LHFPL4: variants seen among roughly 807,000 people sequenced by gnomAD.
The protein encoded by LHFPL4 is LHFPL tetraspan subfamily member 4.
In LHFPL4, 6 loss-of-function variants were observed where a neutral mutation model predicts 20.0. The observed-to-expected ratio is 0.30, with a 90% CI of 0.16 to 0.59. The LOEUF is 0.59. Ranked by LOEUF, LHFPL4 falls within the 20% of genes least tolerant of loss-of-function variation. LHFPL4 has a pLI of 0.88. For synonymous variants in LHFPL4, 129 were observed against 143.8 expected (o/e 0.90, Z 0.74); for missense variants, 215 against 331.2 (o/e 0.65, Z 2.72).
intron 2 of LHFPL4, among the ~76,000 whole-genome samples, chr3:9,520,008 C>G (rs1481515875): frequency 6.6e-6 from 1 of 152,066 alleles, no homozygotes; most frequent in Non-Finnish European, 1.5e-5. Context: ...ATTTGCTCTT[C>G]TTTTTCTAGC....
chr3:9,549,961 G>A (rs1370476326), intron 2 of LHFPL4, among the ~76,000 whole-genome samples: 2 of 152,020 alleles, frequency 1.3e-5, no homozygotes, highest in Non-Finnish European at 2.9e-5. Context: ...CCAACTCCTG[G>A]CCTCAAGCAA....
At chr3:9,544,241 T>C (rs1454980114) in intron 2 of LHFPL4, among the ~76,000 whole-genome samples, 1 of 151,800 alleles carries the variant, frequency 6.6e-6, no homozygotes, top group Non-Finnish European at 1.5e-5. Context: ...CTCTTGTACA[T>C]GTATTACTTT....
chr3:9,523,040 C>CAAA (rs751625372), intron 2 of LHFPL4, among the ~76,000 whole-genome samples: 6 of 77,298 alleles, frequency 7.8e-5, no homozygotes, highest in Admixed American at 1.6e-4. Flanking sequence ...GACTCCGTCT[C>CAAA]AAAAAAAAAA....
intron 3 of LHFPL4, among the ~76,000 whole-genome samples, chr3:9,504,654 T>C (rs2046203612): frequency 6.6e-6 from 1 of 151,970 alleles, no homozygotes; most frequent in Non-Finnish European, 1.5e-5. Flanking sequence ...TGAAACCCCA[T>C]CTCCACTAAA....
At chr3:9,508,214 G>A (rs2046232204) in intron 2 of LHFPL4, among the ~76,000 whole-genome samples, 1 of 152,102 alleles carries the variant, frequency 6.6e-6, no homozygotes, top group Non-Finnish European at 1.5e-5. Context: ...CAACGGAGTG[G>A]GCCCTCCTTC....
At chr3:9,525,266 T>C (rs1204225838) in intron 2 of LHFPL4, among the ~76,000 whole-genome samples, 1 of 152,224 alleles carries the variant, frequency 6.6e-6, no homozygotes, top group Non-Finnish European at 1.5e-5. Context: ...GCCCCCCTAA[T>C]GACTGGGTCC....
In LHFPL4 at chr3:9,552,463, G is replaced by C; in HGVS notation, c.217C>G (p.Arg73Gly). The C allele has an allele frequency of 1.2e-6, 2 of 1,613,138 alleles. No homozygotes were observed. The highest frequency in any genetic ancestry group is 1.7e-6 in the Non-Finnish European group (2 of 1,179,694). The stretch of plus-strand genomic sequence containing the variant: ...AAGGAGCCCCGGCAGGTGAGCTCGC[G>C]GCCCGCCAGCCCGCTGCCCACGCAG... ...HYCVGSGLAG[R>G]ELTCRGSFTD... Residue 73 changes from arginine (R) to glycine (G), a missense_variant, in exon 2 of 4, where the codon CGC (arginine) becomes GGC (glycine). This residue lies in a region of LHFPL4 where 164 missense variants were observed against 286.7 expected (regional missense o/e 0.57). Transcript: ENST00000287585.
chr3:9,504,457 C>T lies in LHFPL4; in HGVS notation c.643+1510G>A, dbSNP rs187100186. 7.3e-3 allele frequency among the ~76,000 whole-genome samples: 1,113 copies of T among 151,806 alleles called. 7 individuals carry two copies. The highest frequency in any genetic ancestry group is 0.014 in the Middle Eastern group (4 of 290). Reference sequence around the variant, plus strand: ...ACGCTCCAGCTCATATACTTGACTTCCTCCCCTTCCATCATAACCACAGAT... The same window carrying T: ...ACGCTCCAGCTCATATACTTGACTTTCTCCCCTTCCATCATAACCACAGAT... On this transcript the variant is annotated intron_variant, in intron 3 of 3. Coordinates refer to ENST00000287585, the MANE Select transcript of LHFPL4 (RefSeq NM_198560.3).
chr3:9,523,991 C>A (rs537121350), intron 2 of LHFPL4, among the ~76,000 whole-genome samples: 6 of 142,226 alleles, frequency 4.2e-5, no homozygotes, highest in Non-Finnish European at 7.7e-5. Flanking sequence ...TTTCCCCCCC[C>A]CCCAACACTT....
At chr3:9,552,226 C>T (rs747136302) in intron 2 of LHFPL4, 48 bp downstream of exon 2, 3 of 1,544,480 alleles carry the variant, frequency 1.9e-6, no homozygotes, top group Admixed American at 3.9e-5. Flanking sequence ...AGGAAGGAGC[C>T]CCGTCCCTGG....
At chr3:9,549,427 G>A (rs2125668698) in intron 2 of LHFPL4, among the ~76,000 whole-genome samples, 1 of 152,324 alleles carries the variant, frequency 6.6e-6, no homozygotes, top group Non-Finnish European at 1.5e-5. Flanking sequence ...CAGGCATGGT[G>A]GCTCATGCCT....
At chr3:9,517,572 C>T (rs956881012) in intron 2 of LHFPL4, among the ~76,000 whole-genome samples, 2 of 150,798 alleles carry the variant, frequency 1.3e-5, no homozygotes, top group Admixed American at 6.6e-5. Context: ...GGTGTGGTGG[C>T]ATGTTCCCAG....
intron 2 of LHFPL4, among the ~76,000 whole-genome samples, chr3:9,534,433 T>C (rs1225444249): frequency 6.6e-6 from 1 of 152,214 alleles, no homozygotes; most frequent in Non-Finnish European, 1.5e-5. Context: ...GCAAGGCTCA[T>C]GGTAACAAAT....
At chr3:9,512,664 A>C (rs568391609) in intron 2 of LHFPL4, among the ~76,000 whole-genome samples, 1 of 152,340 alleles carries the variant, frequency 6.6e-6, no homozygotes, top group East Asian at 1.9e-4. Flanking sequence ...TGACCATATG[A>C]CTAAGCAAAA....
At chr3:9,546,375 C>T (rs550076706) in intron 2 of LHFPL4, among the ~76,000 whole-genome samples, 1 of 151,856 alleles carries the variant, frequency 6.6e-6, no homozygotes, top group Non-Finnish European at 1.5e-5. Flanking sequence ...AAGGTACTCA[C>T]TTCTAGATCC....
Position 9,516,440 on chromosome 3 carries a change from A to G in LHFPL4, c.407-10237T>C, listed in dbSNP as rs980117003. Among the ~76,000 whole-genome samples, 15 of 150,204 alleles carry G rather than the reference A, an allele frequency of 1.0e-4. 1 individual carries two copies. The highest frequency in any genetic ancestry group is 2.9e-4 in the African/African-American group (12 of 40,928). ...GCTCTCCATTCTGTCCTATCAATCA[A>G]TTTGCCCGTTCTTTCACCAGTACCA... On this transcript the variant is annotated intron_variant, in intron 2 of 3. Transcript: ENST00000287585.
At chr3:9,517,679 T>C (rs1211710438) in intron 2 of LHFPL4, among the ~76,000 whole-genome samples, 1 of 114,332 alleles carries the variant, frequency 8.7e-6, no homozygotes, top group African/African-American at 3.5e-5. Context: ...AGAGCTAGAC[T>C]CTGTCTCAAA....
intron 2 of LHFPL4, among the ~76,000 whole-genome samples, chr3:9,513,238 G>T (rs927632494): frequency 3.3e-5 from 5 of 152,192 alleles, no homozygotes; most frequent in African/African-American, 1.2e-4. Flanking sequence ...GGGATTAGAG[G>T]CGTGAGCCAC....
intron 2 of LHFPL4, among the ~76,000 whole-genome samples, chr3:9,520,408 C>T (rs1281590691): frequency 6.6e-6 from 1 of 152,028 alleles, no homozygotes; most frequent in Non-Finnish European, 1.5e-5. Context: ...GGCTGGAGTG[C>T]AGTGGTGCAA....
Sources: gnomAD v4.1 joint callset for allele counts (sites outside exome capture counted in the v4.1 genomes callset) on GRCh38, gnomAD v4.1.1 for gene constraint, gnomAD v4.1.1 regional missense constraint, MANE v1.5 for transcripts, NCBI Gene and HGNC (gene_info 2026-07-23, HGNC 2026-07-21) for gene names.